Variants in DECR1 observed in about 807,000 individuals in gnomAD.
DECR1 encodes the protein 2,4-dienoyl-CoA reductase [(3E)-enoyl-CoA-producing], mitochondrial.
A neutral mutation model predicts 38.8 loss-of-function variants in DECR1; 44 were observed. The ratio of observed to expected loss-of-function variants is 1.13; its 90% CI spans 0.89 to 1.46. The LOEUF is 1.46. Ranked by LOEUF, DECR1 falls within the 40% of genes most tolerant of loss-of-function variation. DECR1 has a pLI of 0.00. For missense variants in DECR1, 428 were observed against 405.5 expected, an observed-to-expected ratio of 1.06 and a Z score of -0.48; for synonymous variants, 148 against 135.2, an observed-to-expected ratio of 1.09 and a Z score of -0.66.
At chr8:90,029,856 C>A (rs1027528224) in intron 5 of DECR1, among the ~76,000 whole-genome samples, 15 of 152,132 alleles carry the variant, frequency 9.9e-5, no homozygotes, top group African/African-American at 3.6e-4. Flanking sequence ...AGTACACATG[C>A]CCTGATTAGA....
At chr8:90,020,879 T>A (rs1381879923) in intron 4 of DECR1, 30 bp from the exon 5 acceptor site, 15 of 1,496,210 alleles carry the variant, frequency 1.0e-5, no homozygotes, top group Non-Finnish European at 1.2e-5. Context: ...TCATCTAAAG[T>A]TTCTGTAACT....
chr8:90,017,404 G>A (rs117640612), intron 2 of DECR1, 78 bp downstream of exon 2: 98 of 1,090,678 alleles, frequency 9.0e-5, no homozygotes, highest in Admixed American at 2.5e-4. Flanking sequence ...AACACTGTTC[G>A]CCAGAGTTGT....
intron 8 of DECR1, among the ~76,000 whole-genome samples, chr8:90,050,643 A>G (rs1405907151): frequency 6.6e-6 from 1 of 152,210 alleles, no homozygotes; most frequent in Non-Finnish European, 1.5e-5. Context: ...AGAACTAGAA[A>G]TACCATTTGA....
Position 90,017,333 on chromosome 8 carries a change from C to G in DECR1, c.272+7C>G. ...AGTGCGTGATAGCCAGCCGGTAAGT[C>G]CCTTACATCAAGCCTATTGGCGACG... is the stretch of plus-strand genomic sequence containing the variant. On this transcript the variant is annotated splice_region_variant and intron_variant, in intron 2 of 9. Coordinates refer to ENST00000220764, the MANE Select transcript of DECR1 (RefSeq NM_001359.2). 1 of 1,611,340 alleles carries G rather than the reference C, an allele frequency of 6.2e-7. No homozygotes were observed. Among genetic ancestry groups the G allele is most frequent in the Non-Finnish European group, 8.5e-7 (1 of 1,178,646 alleles).
chr8:90,031,062 A>C (rs952793376), intron 5 of DECR1, among the ~76,000 whole-genome samples: 1 of 152,112 alleles, frequency 6.6e-6, no homozygotes, highest in Admixed American at 6.6e-5. Context: ...TTGGCAAGGC[A>C]GTAGTAGTTA....
In DECR1 at chr8:90,053,265, A is replaced by G. The variant is rs958823372; in HGVS notation, c.*1368A>G. ...TTTATAAAAGAAAGAGGTTTCATTG[A>G]CTCATAGTTCAGCATGGCTAGGGAG... On this transcript the variant is annotated 3_prime_UTR_variant, in exon 10 of 10. Coordinates refer to ENST00000220764, the MANE Select transcript of DECR1 (RefSeq NM_001359.2). Among the ~76,000 whole-genome samples the G allele has an allele frequency of 6.6e-6, 1 of 152,180 alleles. No individual in the cohort carries two copies. Among genetic ancestry groups the G allele is most frequent in the Non-Finnish European group, 1.5e-5 (1 of 68,028 alleles).
rs148851408 is a variant in DECR1 at position 90,012,262 on chromosome 8, C to T, written c.70-4862C>T. 4.3e-3 allele frequency among the ~76,000 whole-genome samples: 653 copies of T among 151,894 alleles called. 2 individuals are homozygous for T. The highest frequency in any genetic ancestry group is 0.015 in the African/African-American group (622 of 41,410). On this transcript the variant is annotated intron_variant, in intron 1 of 9. Coordinates refer to ENST00000220764, the MANE Select transcript of DECR1 (RefSeq NM_001359.2). ...CCGCCATCTGGGTTCAAGAAATTCTCCTGCCTCAGCCTCTCGAATAGCTGG... is the reference window on the plus strand; with the variant it reads ...CCGCCATCTGGGTTCAAGAAATTCTTCTGCCTCAGCCTCTCGAATAGCTGG...
intron 1 of DECR1, chr8:90,006,404 G>C (rs1192073297): frequency 1.5e-6 from 1 of 679,842 alleles, no homozygotes; most frequent in Non-Finnish European, 2.7e-6. Flanking sequence ...TCTATGTGAA[G>C]GCCCAGCATA....
rs141516690 is a variant in DECR1, at chr8:90,033,815, G to A, written c.566-3026G>A. Reference sequence around the variant, plus strand: ...TTCCCACACTTGGAGAAATGTATTTGTTCAGTCTTAGTTGAAAGATAGTGC... The same window carrying A: ...TTCCCACACTTGGAGAAATGTATTTATTCAGTCTTAGTTGAAAGATAGTGC... On this transcript the variant is annotated intron_variant, in intron 5 of 9. Transcript: ENST00000220764. Among the ~76,000 whole-genome samples, 16 of 152,220 alleles carry A rather than the reference G, an allele frequency of 1.1e-4. No individual in the cohort carries two copies. In the East Asian group the frequency reaches 2.9e-3, roughly 28 times the overall value.
chr8:90,037,190 A>G (rs894108621), intron 6 of DECR1, among the ~76,000 whole-genome samples: 2 of 152,182 alleles, frequency 1.3e-5, no homozygotes, highest in South Asian at 4.1e-4. Context: ...TAGATATTGA[A>G]CCCTTGGAAT....
intron 5 of DECR1, among the ~76,000 whole-genome samples, chr8:90,031,193 A>G (rs1813484831): frequency 6.6e-6 from 1 of 152,110 alleles, no homozygotes; most frequent in Non-Finnish European, 1.5e-5. Flanking sequence ...CTGTAAAATA[A>G]TGTTGATAAT....
chr8:90,021,129 C>A, intron 5 of DECR1, 73 bp downstream of exon 5: 1 of 1,245,700 alleles, frequency 8.0e-7, no homozygotes, highest in Non-Finnish European at 1.1e-6. Context: ...CTCTGTGATA[C>A]TTTAAAAGTC....
At chr8:90,032,887 G>A (rs556006047) in intron 5 of DECR1, among the ~76,000 whole-genome samples, 4 of 152,272 alleles carry the variant, frequency 2.6e-5, no homozygotes, top group South Asian at 4.1e-4. Flanking sequence ...CTAGTAAATG[G>A]CAGTCTTTTT....
chr8:90,018,123 G>A (rs899096163), intron 2 of DECR1, among the ~76,000 whole-genome samples: 8 of 152,160 alleles, frequency 5.3e-5, no homozygotes, highest in Non-Finnish European at 1.2e-4. Flanking sequence ...CCTGACCTCA[G>A]GTGATCCACC....
chr8:90,011,754 A>T (rs1302896045), intron 1 of DECR1, among the ~76,000 whole-genome samples: 1 of 152,192 alleles, frequency 6.6e-6, no homozygotes, highest in Non-Finnish European at 1.5e-5. Flanking sequence ...ATCTTTGATC[A>T]TAGCTCCTTC....
intron 1 of DECR1, 30 bp from the exon 2 acceptor site, chr8:90,017,094 T>C: frequency 6.5e-7 from 1 of 1,530,878 alleles, no homozygotes; most frequent in Non-Finnish European, 9.0e-7. Flanking sequence ...AATATATGTA[T>C]GCAAATTTAA....
chr8:90,038,793 G>A (rs1293160214), intron 6 of DECR1, among the ~76,000 whole-genome samples: 1 of 152,108 alleles, frequency 6.6e-6, no homozygotes, highest in African/African-American at 2.4e-5. Flanking sequence ...TAATATTTAA[G>A]TCAGTAAATA....
At chr8:90,005,984 C>G (rs930896563) in intron 1 of DECR1, 15 of 541,192 alleles carry the variant, frequency 2.8e-5, no homozygotes, top group Middle Eastern at 4.8e-4. Context: ...GGTTCTTTCA[C>G]AACCTGCTTT....
Position 90,011,014 on chromosome 8 carries a change from A to T in DECR1, c.70-6110A>T, listed in dbSNP as rs941835978. Among the ~76,000 whole-genome samples the T allele has an allele frequency of 2.6e-5, 4 of 152,348 alleles. No individual in the cohort carries two copies. In the South Asian group the frequency reaches 8.3e-4, roughly 32 times the overall value. Reference sequence around the variant, plus strand: ...AAAGGATATGCAGTGACAGTGTAATAAGGTTATTATTACTATGGTTATTAC... The same window carrying T: ...AAAGGATATGCAGTGACAGTGTAATTAGGTTATTATTACTATGGTTATTAC... On this transcript the variant is annotated intron_variant, in intron 1 of 9. Transcript: ENST00000220764.
Sources: allele counts gnomAD v4.1 joint callset (sites outside exome capture counted in the v4.1 genomes callset), GRCh38; gene constraint gnomAD v4.1.1; transcripts MANE v1.5; gene names NCBI Gene and HGNC (gene_info 2026-07-23, HGNC 2026-07-21).